HYCC1: variants seen among roughly 807,000 people sequenced by gnomAD.
The protein encoded by HYCC1 is hyccin.
At chr7:22,976,614 C>T in the HYCC1 span, 1 of 871,632 alleles carries the variant, frequency 1.1e-6, no homozygotes, top group Admixed American at 1.8e-5. Flanking sequence ...ACTCATTAAA[C>T]ATTATTTATA....
the HYCC1 span, chr7:22,961,300 C>T: frequency 1.3e-6 from 2 of 1,597,484 alleles, no homozygotes; most frequent in Non-Finnish European, 1.7e-6. Context: ...GCTTTTTGAG[C>T]TAGATCCCAT....
At chr7:22,945,636 C>A in the HYCC1 span, 1 of 1,613,608 alleles carries the variant, frequency 6.2e-7, no homozygotes, top group Admixed American at 1.7e-5. Flanking sequence ...CTCTGCTGAC[C>A]TGATTGATGC....
At chr7:22,939,493 T>G in the HYCC1 span, 1 of 152,240 alleles carries the variant, frequency 6.6e-6, no homozygotes, top group African/African-American at 2.4e-5. Context: ...AATTTGCATT[T>G]TACCATGCTT....
At chr7:22,929,877 A>G in the HYCC1 span, among the ~76,000 whole-genome samples, 1 of 152,244 alleles carries the variant, frequency 6.6e-6, no homozygotes, top group East Asian at 1.9e-4. Context: ...ATGCTGCTAT[A>G]AAGACACGTG....
At chr7:22,988,662 C>T in the HYCC1 span, among the ~76,000 whole-genome samples, 1 of 152,134 alleles carries the variant, frequency 6.6e-6, no homozygotes, top group African/African-American at 2.4e-5. Flanking sequence ...ATACTTAGAA[C>T]CCATGAGTTC....
At chr7:22,904,321 C>T in the HYCC1 span, among the ~76,000 whole-genome samples, 4 of 151,518 alleles carry the variant, frequency 2.6e-5, no homozygotes, top group Admixed American at 6.6e-5. Context: ...GTCTCAGCTA[C>T]TTGGGAGGCT....
the HYCC1 span, among the ~76,000 whole-genome samples, chr7:22,965,439 T>C: frequency 5.7e-5 from 8 of 140,128 alleles, no homozygotes; most frequent in Non-Finnish European, 7.8e-5. Context: ...TAGATTTTAC[T>C]TTTTTTTTTT....
the HYCC1 span, among the ~76,000 whole-genome samples, chr7:23,001,146 T>C: frequency 6.6e-6 from 1 of 152,282 alleles, no homozygotes; most frequent in African/African-American, 2.4e-5. Flanking sequence ...ATAGATAATG[T>C]TGTGATAATG....
At chr7:22,958,759 C>CA in the HYCC1 span, among the ~76,000 whole-genome samples, 1 of 152,100 alleles carries the variant, frequency 6.6e-6, no homozygotes, top group African/African-American at 2.4e-5. Flanking sequence ...CACACATATG[C>CA]ACAAATACAA....
At chr7:22,954,152 G>T in the HYCC1 span, among the ~76,000 whole-genome samples, 1 of 151,212 alleles carries the variant, frequency 6.6e-6, no homozygotes, top group South Asian at 2.1e-4. Flanking sequence ...CAAAATAAAT[G>T]TTCCATTTCA....
the HYCC1 span, among the ~76,000 whole-genome samples, chr7:22,924,903 C>T: frequency 4.6e-5 from 7 of 152,232 alleles, no homozygotes; most frequent in African/African-American, 1.7e-4. Context: ...GTCCCTGACT[C>T]CCGAGTAGCC....
chr7:22,904,015 T>C, the HYCC1 span, among the ~76,000 whole-genome samples: 15 of 152,262 alleles, frequency 9.9e-5, no homozygotes, highest in Middle Eastern at 3.4e-3. Context: ...GCTATAAACA[T>C]ACCATAATAT....
At chr7:22,990,984 A>T in the HYCC1 span, 2,050 of 971,294 alleles carry the variant, frequency 2.1e-3, 27 homozygotes, top group African/African-American at 0.03. Context: ...CATATAAAAT[A>T]CAAAAATCAC....
the HYCC1 span, among the ~76,000 whole-genome samples, chr7:22,971,344 G>A: frequency 1.4e-4 from 20 of 147,710 alleles, no homozygotes; most frequent in East Asian, 3.9e-4. Context: ...TATTATTATC[G>A]GATCTCCAGA....
the HYCC1 span, among the ~76,000 whole-genome samples, chr7:22,904,185 A>C: frequency 2.0e-5 from 3 of 151,566 alleles, no homozygotes; most frequent in Non-Finnish European, 1.5e-5. Flanking sequence ...TAATCCCAGC[A>C]CTTTGGAAGG....
the HYCC1 span, among the ~76,000 whole-genome samples, chr7:23,007,660 A>G: frequency 4.6e-5 from 7 of 152,150 alleles, no homozygotes; most frequent in Non-Finnish European, 7.4e-5. Flanking sequence ...TCAAAACCTT[A>G]AAAAGGTAAT....
chr7:22,917,631 G>A, the HYCC1 span, among the ~76,000 whole-genome samples: 1 of 152,108 alleles, frequency 6.6e-6, no homozygotes, highest in Non-Finnish European at 1.5e-5. Context: ...CTTCCCTTCC[G>A]TCAGACATAA....
At chr7:22,987,188 T>C in the HYCC1 span, among the ~76,000 whole-genome samples, 22 of 152,352 alleles carry the variant, frequency 1.4e-4, no homozygotes, top group African/African-American at 3.8e-4. Context: ...TTTGAAAAGA[T>C]AGAGCTTGAA....
chr7:22,991,409 C>T, the HYCC1 span, among the ~76,000 whole-genome samples: 19 of 152,154 alleles, frequency 1.2e-4, no homozygotes, highest in South Asian at 2.1e-4. Context: ...ACATATTGGA[C>T]ATTTTTCCCT....
Sources: allele counts gnomAD v4.1 joint callset (sites outside exome capture counted in the v4.1 genomes callset), GRCh38; gene constraint gnomAD v4.1.1; transcripts MANE v1.5; gene names NCBI Gene and HGNC (gene_info 2026-07-23, HGNC 2026-07-21).